The following LDAH variants were observed in gnomAD, a reference collection of about 807,000 sequenced individuals.
The protein encoded by LDAH is lipid droplet-associated hydrolase.
A neutral mutation model predicts 29.6 loss-of-function variants in LDAH; 26 were observed. That is an observed-to-expected ratio of 0.88 (90% CI 0.64 to 1.22). The LOEUF is 1.22. LDAH is among the 50% of genes most tolerant of loss of function. The probability of loss-of-function intolerance (pLI) is 0.00; values close to 1 mark genes in which losing one functional copy is unlikely to be tolerated. For missense variants in LDAH, 344 were observed against 387.3 expected (o/e 0.89, Z 0.94); for synonymous variants, 117 against 133.0 (o/e 0.88, Z 0.83).
intron 4 of LDAH, among the ~76,000 whole-genome samples, chr2:20,741,560 G>GA (rs1460217561): frequency 6.6e-6 from 1 of 151,926 alleles, no homozygotes; most frequent in Non-Finnish European, 1.5e-5. Context: ...TATCCCAAAG[G>GA]AAAAAACGTT....
chr2:20,786,662 C>G (rs530260105), intron 3 of LDAH, among the ~76,000 whole-genome samples: 3 of 152,056 alleles, frequency 2.0e-5, no homozygotes, highest in African/African-American at 7.2e-5. Context: ...AAGGTAGAGG[C>G]CTGTAGACAT....
chr2:20,785,377 C>G (rs1392423177), intron 3 of LDAH, among the ~76,000 whole-genome samples: 1 of 152,238 alleles, frequency 6.6e-6, no homozygotes, highest in Non-Finnish European at 1.5e-5. Context: ...ACTCCATTCT[C>G]CTCTTTGTTG....
rs567745340 is a variant in LDAH, at chr2:20,758,350, A to G, written c.468+16460T>C. Among the ~76,000 whole-genome samples, 319 of 152,372 alleles carry G rather than the reference A, an allele frequency of 2.1e-3. 1 individual carries two copies. The highest frequency in any genetic ancestry group is 7.5e-3 in the African/African-American group (312 of 41,594). On this transcript the variant is annotated intron_variant, in intron 4 of 6. Coordinates refer to ENST00000237822, the MANE Select transcript of LDAH (RefSeq NM_021925.4). ...TGGAGATTTGCAGGAATTAGTAATTATAACAATAAAATGGAAATTTTATAG... is the reference window on the plus strand; with the variant it reads ...TGGAGATTTGCAGGAATTAGTAATTGTAACAATAAAATGGAAATTTTATAG...
At chr2:20,773,178 C>A (rs1324795520) in intron 4 of LDAH, among the ~76,000 whole-genome samples, 1 of 151,998 alleles carries the variant, frequency 6.6e-6, no homozygotes, top group Admixed American at 6.6e-5. Flanking sequence ...TTACAGATAC[C>A]ATTCTTGATG....
At chr2:20,733,375 G>C (rs886763236) in intron 5 of LDAH, among the ~76,000 whole-genome samples, 10 of 149,046 alleles carry the variant, frequency 6.7e-5, no homozygotes, top group Non-Finnish European at 1.3e-4. Flanking sequence ...TGAGACTACA[G>C]GCTATACCTC....
intron 1 of LDAH, among the ~76,000 whole-genome samples, chr2:20,820,401 T>G (rs1673178244): frequency 6.6e-6 from 1 of 152,100 alleles, no homozygotes; most frequent in African/African-American, 2.4e-5. Flanking sequence ...AGCATGGTAC[T>G]GGTACCAAAA....
At chr2:20,794,911 T>C (rs1671210046) in intron 2 of LDAH, among the ~76,000 whole-genome samples, 1 of 152,150 alleles carries the variant, frequency 6.6e-6, no homozygotes, top group Non-Finnish European at 1.5e-5. Flanking sequence ...GAAAATGCAA[T>C]GCAAAATGCT....
At chr2:20,689,867 C>G (rs1343787571) in intron 6 of LDAH, among the ~76,000 whole-genome samples, 3 of 152,178 alleles carry the variant, frequency 2.0e-5, no homozygotes, top group African/African-American at 7.2e-5. Flanking sequence ...GAAAGCTACT[C>G]TAGGACCCTC....
intron 3 of LDAH, among the ~76,000 whole-genome samples, chr2:20,786,315 G>A (rs755190963): frequency 6.6e-6 from 1 of 151,934 alleles, no homozygotes; most frequent in African/African-American, 2.4e-5. Context: ...TCAACCTCCC[G>A]AGTAGCTGGG....
chr2:20,794,447 G>A (rs546129657), intron 2 of LDAH, among the ~76,000 whole-genome samples: 2 of 151,982 alleles, frequency 1.3e-5, no homozygotes, highest in African/African-American at 4.8e-5. Flanking sequence ...AAAAGAAAAA[G>A]AAAAAACTAC....
chr2:20,781,017 T>C (rs1670157211), intron 3 of LDAH, among the ~76,000 whole-genome samples: 1 of 152,190 alleles, frequency 6.6e-6, no homozygotes, highest in Non-Finnish European at 1.5e-5. Flanking sequence ...TGGATAAGCA[T>C]GACTCAAATT....
At chr2:20,718,859 A>T (rs891407988) in intron 5 of LDAH, among the ~76,000 whole-genome samples, 6 of 152,164 alleles carry the variant, frequency 3.9e-5, no homozygotes, top group Admixed American at 2.6e-4. Flanking sequence ...TGCAAAGAGG[A>T]ACTTTGAAAA....
chr2:20,810,909 C>G lies in LDAH; in HGVS notation c.-2-9444G>C, dbSNP rs1189034911. The stretch of plus-strand genomic sequence containing the variant: ...CTATGAGAAACTAACGCCCAGTGAT[C>G]TGAGATGGAACAGTTTCATCCCAAA... On this transcript the variant is annotated intron_variant, in intron 1 of 6. Transcript: ENST00000237822. Among the ~76,000 whole-genome samples the G allele has an allele frequency of 2.6e-5, 4 of 152,130 alleles. No individual in the cohort carries two copies. The East Asian group carries it at 7.7e-4, about 29-fold the overall frequency.
chr2:20,740,893 G>C (rs1174291028), intron 4 of LDAH, among the ~76,000 whole-genome samples: 1 of 152,202 alleles, frequency 6.6e-6, no homozygotes, highest in Admixed American at 6.5e-5. Flanking sequence ...AGTAATGAAT[G>C]AGAGGTGCTC....
At chr2:20,711,075 A>G (rs1396674505) in intron 5 of LDAH, among the ~76,000 whole-genome samples, 1 of 152,080 alleles carries the variant, frequency 6.6e-6, no homozygotes, top group Non-Finnish European at 1.5e-5. Context: ...TGAAGATGGA[A>G]CTCACATGGA....
chr2:20,792,326 C>A (rs902959809), intron 2 of LDAH, among the ~76,000 whole-genome samples: 2 of 152,024 alleles, frequency 1.3e-5, no homozygotes, highest in African/African-American at 2.4e-5. Flanking sequence ...AGGTGCTTTA[C>A]ATATATTATT....
chr2:20,750,075 G>C (rs933878144), intron 4 of LDAH, among the ~76,000 whole-genome samples: 1 of 148,526 alleles, frequency 6.7e-6, no homozygotes, highest in African/African-American at 2.5e-5. Flanking sequence ...GCCCAGACTG[G>C]AGTGCCATGG....
chr2:20,785,944 G>A (rs1001766525), intron 3 of LDAH, among the ~76,000 whole-genome samples: 15 of 152,114 alleles, frequency 9.9e-5, no homozygotes, highest in Admixed American at 6.6e-4. Context: ...AGTTCTCAAC[G>A]TAGTAATCAT....
chr2:20,695,345 T>C (rs1663361459), intron 6 of LDAH, among the ~76,000 whole-genome samples: 1 of 152,212 alleles, frequency 6.6e-6, no homozygotes, highest in Non-Finnish European at 1.5e-5. Flanking sequence ...GAGGAACAGT[T>C]AGGCAAATAG....
Sources: allele counts gnomAD v4.1 joint callset (sites outside exome capture counted in the v4.1 genomes callset), GRCh38; gene constraint gnomAD v4.1.1; transcripts MANE v1.5; gene names NCBI Gene and HGNC (gene_info 2026-07-23, HGNC 2026-07-21).